Variants in RTL4 observed in about 807,000 individuals in gnomAD.
RTL4 encodes retrotransposon Gag-like protein 4.
Under a neutral mutation model 5.3 loss-of-function variants are expected in RTL4, and 4 were observed. That is an observed-to-expected ratio of 0.75 (90% CI 0.37 to 1.72). The LOEUF is 1.72. Ranked by LOEUF, RTL4 falls within the 40% of genes most tolerant of loss-of-function variation. The pLI is 0.04. For synonymous variants in RTL4, 98 were observed against 87.3 expected, an observed-to-expected ratio of 1.12 and a Z score of -0.68; for missense variants, 260 against 227.1, an observed-to-expected ratio of 1.14 and a Z score of -0.93.
the RTL4 span, among the ~76,000 whole-genome samples, chrX:112,218,937 G>T: frequency 2.7e-5 from 3 of 111,729 alleles, no homozygotes; most frequent in East Asian, 8.4e-4. Flanking sequence ...AAGGAAGTTT[G>T]CCTTCTTAAA....
At chrX:112,129,097 CA>C in the RTL4 span, among the ~76,000 whole-genome samples, 1 of 111,736 alleles carries the variant, frequency 8.9e-6, no homozygotes, top group East Asian at 2.8e-4. Context: ...TATTCAACAT[CA>C]TTAGTTATTA....
the RTL4 span, among the ~76,000 whole-genome samples, chrX:112,295,668 C>T: frequency 1.1e-3 from 125 of 112,516 alleles, no homozygotes; most frequent in South Asian, 3.3e-3. Context: ...GGCATTATGA[C>T]CAATCATTTT....
At chrX:112,127,500 T>A in the RTL4 span, among the ~76,000 whole-genome samples, 1 of 111,987 alleles carries the variant, frequency 8.9e-6, no homozygotes, top group African/African-American at 3.2e-5. Context: ...ACTGAAAGCT[T>A]TCTTCCTATG....
At chrX:112,276,536 A>G in the RTL4 span, among the ~76,000 whole-genome samples, 1 of 111,914 alleles carries the variant, frequency 8.9e-6, no homozygotes, top group Non-Finnish European at 1.9e-5. Flanking sequence ...ACACAAATTA[A>G]TTTGACCTCA....
chrX:112,312,838 A>G, the RTL4 span, among the ~76,000 whole-genome samples: 1 of 110,990 alleles, frequency 9.0e-6, no homozygotes, highest in African/African-American at 3.3e-5. Context: ...CTTTCTCACA[A>G]ATAGAGCCCA....
the RTL4 span, among the ~76,000 whole-genome samples, chrX:112,201,127 G>C: frequency 9.0e-6 from 1 of 111,174 alleles, no homozygotes; most frequent in Non-Finnish European, 1.9e-5. Context: ...TTCTTCACAA[G>C]GCGGCAAGAA....
the RTL4 span, chrX:112,381,524 A>G: frequency 3.9e-5 from 46 of 1,190,683 alleles, no homozygotes; most frequent in Non-Finnish European, 5.0e-5. Flanking sequence ...ATACCTGACT[A>G]ACAAAACTGA....
the RTL4 span, among the ~76,000 whole-genome samples, chrX:112,240,680 A>G: frequency 9.0e-6 from 1 of 111,230 alleles, no homozygotes; most frequent in Non-Finnish European, 1.9e-5. Flanking sequence ...GTATTTATTT[A>G]TTTATTTTAT....
chrX:112,093,924 A>G, the RTL4 span, among the ~76,000 whole-genome samples: 2 of 111,815 alleles, frequency 1.8e-5, no homozygotes, highest in Admixed American at 1.9e-4. Flanking sequence ...ATTAACAGCA[A>G]TAATAGTCAG....
chrX:112,327,093 G>A, the RTL4 span, among the ~76,000 whole-genome samples: 1 of 112,271 alleles, frequency 8.9e-6, no homozygotes, highest in African/African-American at 3.2e-5. Flanking sequence ...CTAAAAAGCA[G>A]AGTGCCTCTC....
chrX:112,262,147 T>A, the RTL4 span, among the ~76,000 whole-genome samples: 15 of 111,823 alleles, frequency 1.3e-4, no homozygotes, highest in Non-Finnish European at 2.4e-4. Flanking sequence ...GGACTTCATG[T>A]CTAAAACACC....
At chrX:112,331,551 C>T in the RTL4 span, among the ~76,000 whole-genome samples, 3 of 104,772 alleles carry the variant, frequency 2.9e-5, no homozygotes, top group Non-Finnish European at 5.9e-5. Context: ...CACTTTTACA[C>T]TGTTGGTGGG....
the RTL4 span, among the ~76,000 whole-genome samples, chrX:112,141,834 TAATA>T: frequency 8.9e-6 from 1 of 112,317 alleles, no homozygotes; most frequent in Non-Finnish European, 1.9e-5. Context: ...TGTTTAGACT[TAATA>T]AATTCCATTA....
At chrX:112,167,389 T>G in the RTL4 span, among the ~76,000 whole-genome samples, 25 of 111,587 alleles carry the variant, frequency 2.2e-4, no homozygotes, top group African/African-American at 7.5e-4. Context: ...GGTTCTACGT[T>G]TTACCTGACT....
the RTL4 span, among the ~76,000 whole-genome samples, chrX:112,239,174 G>T: frequency 1.8e-5 from 2 of 111,103 alleles, no homozygotes; most frequent in Admixed American, 9.6e-5. Flanking sequence ...TTTCCTCCCT[G>T]GCCTAGGATG....
At chrX:112,386,495 C>G in the RTL4 span, among the ~76,000 whole-genome samples, 1 of 110,152 alleles carries the variant, frequency 9.1e-6, no homozygotes, top group Non-Finnish European at 1.9e-5. Flanking sequence ...AGTCTTTTAT[C>G]CCTCACCCCC....
chrX:112,136,295 T>C, the RTL4 span, among the ~76,000 whole-genome samples: 2 of 111,869 alleles, frequency 1.8e-5, no homozygotes, highest in African/African-American at 6.5e-5. Context: ...TCCTTCTTAC[T>C]TTCTAATTTG....
At chrX:112,236,414 TATATCTATATATA>T in the RTL4 span, among the ~76,000 whole-genome samples, 1 of 59,307 alleles carries the variant, frequency 1.7e-5, no homozygotes, top group Non-Finnish European at 3.2e-5. Context: ...GATATAGATC[TATATCTATATATA>T]GATATAGATC....
chrX:112,178,879 A>G, the RTL4 span, among the ~76,000 whole-genome samples: 67 of 111,832 alleles, frequency 6.0e-4, no homozygotes, highest in Non-Finnish European at 1.1e-3. Context: ...GGGAGCAAAA[A>G]GAGTGTGAAG....
Sources: gnomAD v4.1 joint callset for allele counts (sites outside exome capture counted in the v4.1 genomes callset) on GRCh38, gnomAD v4.1.1 for gene constraint, MANE v1.5 for transcripts, NCBI Gene and HGNC (gene_info 2026-07-23, HGNC 2026-07-21) for gene names.